The following MYO18B variants were observed in gnomAD, a reference collection of about 807,000 sequenced individuals.
MYO18B encodes the protein myosin XVIIIB.
MYO18B carries 204 observed loss-of-function variants against 273.0 expected under a neutral mutation model. The observed-to-expected ratio is 0.75, with a 90% CI of 0.67 to 0.84. MYO18B has a LOEUF of 0.84. Among genes scored for constraint, MYO18B ranks in the 40% least tolerant of loss-of-function variants. The pLI is 0.00. For synonymous variants in MYO18B, 1,330 were observed against 1,305.7 expected (o/e 1.02, Z -0.40); for missense variants, 3,212 against 3,287.6 (o/e 0.98, Z 0.56).
intron 32 of MYO18B, among the ~76,000 whole-genome samples, chr22:25,910,557 A>G (rs765839866): frequency 1.3e-5 from 2 of 152,242 alleles, no homozygotes; most frequent in Non-Finnish European, 2.9e-5. Context: ...TGTGTATTTA[A>G]TAATGGAGGG....
At chr22:26,021,049 A>T (rs985936011) in intron 42 of MYO18B, among the ~76,000 whole-genome samples, 2 of 152,230 alleles carry the variant, frequency 1.3e-5, no homozygotes, top group Non-Finnish European at 2.9e-5. Context: ...TGATCGTGCC[A>T]CTGCTCTCCA....
At chr22:25,757,535 C>T (rs1184610680) in intron 1 of MYO18B, among the ~76,000 whole-genome samples, 4 of 151,468 alleles carry the variant, frequency 2.6e-5, no homozygotes, top group South Asian at 2.1e-4. Flanking sequence ...TGCAGTGAGC[C>T]GAGACCGTGC....
At chr22:25,873,100 C>T (rs1374916395) in intron 22 of MYO18B, among the ~76,000 whole-genome samples, 1 of 152,164 alleles carries the variant, frequency 6.6e-6, no homozygotes, top group Non-Finnish European at 1.5e-5. Context: ...TTCAGGTTCT[C>T]GCAGAAAAGC....
intron 25 of MYO18B, among the ~76,000 whole-genome samples, chr22:25,879,226 A>G (rs1257782645): frequency 6.6e-6 from 1 of 152,226 alleles, no homozygotes; most frequent in Non-Finnish European, 1.5e-5. Context: ...ACCTGAAACT[A>G]CTCAGCCTTG....
intron 20 of MYO18B, among the ~76,000 whole-genome samples, chr22:25,849,213 T>TC (rs2146033756): frequency 6.6e-6 from 1 of 152,284 alleles, no homozygotes; most frequent in African/African-American, 2.4e-5. Flanking sequence ...GGTCAGGGTG[T>TC]CCCGTTCCTG....
At position 26,027,735 on chromosome 22, in the gene MYO18B, A is replaced by ACCTTGCAG; in HGVS notation, c.*12+51_*12+58dup. On this transcript the variant is annotated intron_variant, in intron 43 of 43. Coordinates refer to ENST00000335473, the MANE Select transcript of MYO18B (RefSeq NM_032608.7). The surrounding 1 kb of genome is among the most constrained non-coding windows in gnomAD (Gnocchi z 4.1). ...GCTATTCTTGGGGGAATGAGAGTTCACCTTGCAGCCTTGGGGAGAGCAGGT... is the reference window on the plus strand; with the variant it reads ...GCTATTCTTGGGGGAATGAGAGTTCACCTTGCAGCCTTGCAGCCTTGGGGAGAGCAGGT... 6.6e-7 allele frequency: 1 copy of ACCTTGCAG among 1,518,628 alleles called. No individual in the cohort carries two copies. The allele number at this position is 1,518,628 out of a possible 1,614,324, so 94.1% of individuals were successfully genotyped here.
intron 42 of MYO18B, among the ~76,000 whole-genome samples, chr22:26,014,218 C>T (rs545693885): frequency 6.4e-4 from 97 of 152,192 alleles, no homozygotes; most frequent in Non-Finnish European, 1.1e-3. Context: ...AGGGCTCACT[C>T]TTTTCCATAT....
Position 25,935,470 on chromosome 22 carries a change from A to G in MYO18B, c.5518-10667A>G, listed in dbSNP as rs557810439. On this transcript the variant is annotated intron_variant, in intron 34 of 43. Transcript: ENST00000335473. Reference sequence around the variant, plus strand: ...ATTGTCTGCTCTGGAGGAGAAATTCATCTTGGAGCACATAGATGAACTTGC... The same window carrying G: ...ATTGTCTGCTCTGGAGGAGAAATTCGTCTTGGAGCACATAGATGAACTTGC... Among the ~76,000 whole-genome samples, 5 of 152,224 alleles carry G rather than the reference A, an allele frequency of 3.3e-5. No homozygotes were observed. The East Asian group carries it at 5.8e-4, about 18-fold the overall frequency.
intron 42 of MYO18B, among the ~76,000 whole-genome samples, chr22:26,011,260 T>C (rs1934898774): frequency 6.6e-6 from 1 of 152,008 alleles, no homozygotes; most frequent in Non-Finnish European, 1.5e-5. Context: ...AGAATTTCTC[T>C]CTTCTTCACA....
intron 1 of MYO18B, among the ~76,000 whole-genome samples, chr22:25,755,255 G>A (rs916079022): frequency 2.0e-5 from 3 of 151,932 alleles, no homozygotes; most frequent in Non-Finnish European, 2.9e-5. Flanking sequence ...TACCCAGGCT[G>A]GAGTGCAATG....
chr22:25,851,083 G>A (rs1425663296), intron 20 of MYO18B, among the ~76,000 whole-genome samples: 5 of 152,162 alleles, frequency 3.3e-5, no homozygotes, highest in South Asian at 2.1e-4. Flanking sequence ...TTTGTCAAAC[G>A]GGTTTGGGAA....
chr22:26,003,362 C>T, intron 41 of MYO18B, 53 bp downstream of exon 41: 2 of 1,518,404 alleles, frequency 1.3e-6, no homozygotes, highest in Non-Finnish European at 1.8e-6. Flanking sequence ...GCCCCTGGCT[C>T]TCTCTGTCCA....
chr22:25,846,354 C>A, intron 19 of MYO18B, 71 bp downstream of exon 19: 1 of 1,512,886 alleles, frequency 6.6e-7, no homozygotes, highest in South Asian at 1.2e-5. Flanking sequence ...TGGGCTGAGT[C>A]ATGTGCCTAC....
Position 25,911,053 on chromosome 22 carries a change from A to G in MYO18B, c.5364+3A>G, listed in dbSNP as rs1166981251. On this transcript the variant is annotated splice_donor_region_variant and intron_variant, in intron 33 of 43. Transcript: ENST00000335473. ...TGATCGGAACCCTCTGTGACCAGGT[A>G]AGGGGGAGACATTGGCAGACATTCA... 1.3e-6 allele frequency: 2 copies of G among 1,595,228 alleles called. No homozygotes were observed. The highest frequency in any genetic ancestry group is 1.7e-6 in the Non-Finnish European group (2 of 1,169,730).
chr22:26,009,625 C>G (rs1934721316), intron 42 of MYO18B, among the ~76,000 whole-genome samples: 1 of 152,156 alleles, frequency 6.6e-6, no homozygotes, highest in Admixed American at 6.5e-5. Flanking sequence ...ATTCTCTAGT[C>G]TTTATATTTT....
rs779117592 is a variant in MYO18B, at chr22:25,777,631, G to A, written c.1918G>A (p.Ala640Thr). ...CCTGCCTGCCCACATTGGCTCCATG[G>A]CACAGCGGGCATACTGGGCGCTGCT... Reference protein sequence around the residue: ...DGLPAHIGSMAQRAYWALLNQ... With the variant: ...DGLPAHIGSMTQRAYWALLNQ... The change falls in exon 8 of 44, where the codon GCA (alanine) becomes ACA (threonine). Residue 640 changes from alanine to threonine, a missense_variant. Ala to Thr is a moderately conservative substitution (Grantham distance 58). Coordinates refer to ENST00000335473, the MANE Select transcript of MYO18B (RefSeq NM_032608.7). 18 of 1,610,210 alleles carry A rather than the reference G, an allele frequency of 1.1e-5. No homozygotes were observed. Among genetic ancestry groups the A allele is most frequent in the Admixed American group, 3.4e-5 (2 of 59,494 alleles).
rs774304270 is a variant in MYO18B, at chr22:25,963,178, T to TCTCACA, written c.6156+7815_6156+7816insTCACAC. 3.8e-3 allele frequency among the ~76,000 whole-genome samples: 554 copies of TCTCACA among 144,166 alleles called. 7 individuals are homozygous for TCTCACA. The highest frequency in any genetic ancestry group is 0.013 in the African/African-American group (518 of 38,516). The allele number at this position is 144,166 out of a possible 152,430, so 94.6% of individuals were successfully genotyped here. On this transcript the variant is annotated intron_variant, in intron 39 of 43. Transcript: ENST00000335473. ...TCTTTCTCCTCTCTCTCTCTCTCTCTCACACACACACACACACACACACAC... is the reference window on the plus strand; with the variant it reads ...TCTTTCTCCTCTCTCTCTCTCTCTCTCTCACACACACACACACACACACACACACAC...
chr22:26,061,808 G>A, the MYO18B span, among the ~76,000 whole-genome samples: 1 of 152,052 alleles, frequency 6.6e-6, no homozygotes, highest in Non-Finnish European at 1.5e-5. Flanking sequence ...ACCACAGATT[G>A]TTTGGCTTTG....
At chr22:25,820,863 C>A (rs1216194395) in intron 12 of MYO18B, among the ~76,000 whole-genome samples, 11 of 152,136 alleles carry the variant, frequency 7.2e-5, no homozygotes, top group African/African-American at 2.7e-4. Context: ...CTCTAGTATG[C>A]TCTATTCTGC....
Sources: gnomAD v4.1 joint callset for allele counts (sites outside exome capture counted in the v4.1 genomes callset) on GRCh38, gnomAD v4.1.1 for gene constraint, Gnocchi (gnomAD v3.1) non-coding constraint, MANE v1.5 for transcripts, NCBI Gene and HGNC (gene_info 2026-07-23, HGNC 2026-07-21) for gene names.